NUP205: variants seen among roughly 807,000 people sequenced by gnomAD.
NUP205 encodes nuclear pore complex protein Nup205.
NUP205 carries 76 observed loss-of-function variants against 253.8 expected under a neutral mutation model. The observed-to-expected ratio is 0.30, with a 90% CI of 0.25 to 0.36. The LOEUF (loss-of-function observed/expected upper bound fraction) is 0.36. NUP205 is among the 10% of genes least tolerant of loss of function. The pLI, the probability that NUP205 is intolerant of heterozygous loss-of-function variation, is 1.00. For synonymous variants in NUP205, 832 were observed against 850.1 expected (o/e 0.98, Z 0.37); for missense variants, 2,162 against 2,425.5 (o/e 0.89, Z 2.28).
intron 10 of NUP205, 115 bp downstream of exon 10, chr7:135,588,107 A>G (rs1806523314): frequency 1.8e-5 from 14 of 798,012 alleles, no homozygotes; most frequent in Non-Finnish European, 2.2e-5. Flanking sequence ...TCACTAGTGT[A>G]ACCTTTAGAG....
chr7:135,584,823 T>C lies in NUP205; in HGVS notation c.1043-9T>C. The C allele has an allele frequency of 1.9e-6, 3 of 1,613,632 alleles. No homozygotes were observed. Among genetic ancestry groups the C allele is most frequent in the Non-Finnish European group, 2.5e-6 (3 of 1,179,618 alleles). On this transcript the variant is annotated splice_polypyrimidine_tract_variant and intron_variant, in intron 7 of 42. Transcript: ENST00000285968. ...CCTCCATGTACTGTGTTTTAAAATC[T>C]GTTTCTAGCTCTGGCAGAATTCACA... is the stretch of plus-strand genomic sequence containing the variant.
intron 23 of NUP205, among the ~76,000 whole-genome samples, 177 bp from the exon 24 acceptor site, chr7:135,615,738 TC>T (rs1312178830): frequency 6.6e-6 from 1 of 152,220 alleles, no homozygotes; most frequent in Non-Finnish European, 1.5e-5. Flanking sequence ...TTTTTTTCTT[TC>T]TTGGTATCTT....
intron 1 of NUP205, among the ~76,000 whole-genome samples, chr7:135,565,115 G>GA (rs1805714251): frequency 6.6e-6 from 1 of 152,048 alleles, no homozygotes; most frequent in Admixed American, 6.6e-5. Flanking sequence ...ATTATTGGGG[G>GA]AAAAATTGGA....
In NUP205 at chr7:135,643,201, C is replaced by A; in HGVS notation, c.5402C>A (p.Ala1801Asp). ...TCATCACCTCTATTAGATACCCAAGCTCCAGTGGTTCCATACTGGCGCCTG... is the reference window on the plus strand; with the variant it reads ...TCATCACCTCTATTAGATACCCAAGATCCAGTGGTTCCATACTGGCGCCTG... ...NRDGPRQDTQ[A>D]PVVPYWRLPG... is the part of the protein sequence containing the mutation. Residue 1801 changes from alanine (A) to aspartate (D), a missense_variant, in exon 39 of 43, where the codon GCT becomes GAT. Physicochemically the swap from Ala to Asp is moderately radical, Grantham distance 126. Around this residue, in one of 5 missense-constraint regions of NUP205, gnomAD observed 1,144 missense variants for 1,280.9 expected, o/e 0.89. Coordinates refer to ENST00000285968, the MANE Select transcript of NUP205 (RefSeq NM_015135.3). The A allele has an allele frequency of 6.2e-7, 1 of 1,613,800 alleles. No individual in the cohort carries two copies. Among genetic ancestry groups the A allele is most frequent in the African/African-American group, 1.3e-5 (1 of 75,036 alleles).
chr7:135,619,743 TTTAA>T (rs774780347), intron 29 of NUP205, 43 bp from the exon 30 acceptor site: 10 of 1,596,166 alleles, frequency 6.3e-6, no homozygotes, highest in African/African-American at 1.4e-5. Flanking sequence ...TTGTTTTAAC[TTTAA>T]TTGAGAAAAG....
At chr7:135,622,974 A>T in intron 31 of NUP205, 49 bp downstream of exon 31, 1 of 1,588,050 alleles carries the variant, frequency 6.3e-7, no homozygotes, top group Non-Finnish European at 8.6e-7. Context: ...ATTTTGACTT[A>T]TTAAGGTATA....
chr7:135,647,846 A>G (rs1273148085), intron 42 of NUP205, among the ~76,000 whole-genome samples: 2 of 152,228 alleles, frequency 1.3e-5, no homozygotes, highest in Admixed American at 6.5e-5. Context: ...TATAACATCA[A>G]AAAGATCCAT....
At chr7:135,613,494 G>A (rs1404157437) in intron 22 of NUP205, among the ~76,000 whole-genome samples, 1 of 150,930 alleles carries the variant, frequency 6.6e-6, no homozygotes, top group Non-Finnish European at 1.5e-5. Flanking sequence ...GTTCTCAGAA[G>A]TTATTTCCAA....
chr7:135,574,566 A>G (rs1455192286), intron 3 of NUP205, among the ~76,000 whole-genome samples: 5 of 152,182 alleles, frequency 3.3e-5, no homozygotes, highest in East Asian at 3.9e-4. Context: ...GTTTAAGGAT[A>G]AAAAGATCAT....
chr7:135,638,655 AAC>A lies in NUP205; in HGVS notation c.5366_5367del (p.Thr1789SerfsTer2). ...GTCTCTTCACTCCTAGCCTTTCAGAAACAGTTAATAGAGATGGACCGCGGCAA... is the reference window on the plus strand; with the variant it reads ...GTCTCTTCACTCCTAGCCTTTCAGAAAGTTAATAGAGATGGACCGCGGCAA... Reference protein sequence around the residue: ...VCLFTPSLSETVNRDGPRQDT... With the variant: ...VCLFTPSLSEXVNRDGPRQDT... On this transcript the variant is annotated frameshift_variant, in exon 38 of 43. Transcript: ENST00000285968. LOFTEE classifies it high-confidence loss of function. 6.2e-7 allele frequency: 1 copy of A among 1,614,126 alleles called. No homozygotes were observed. Among genetic ancestry groups the A allele is most frequent in the Non-Finnish European group, 8.5e-7 (1 of 1,180,010 alleles).
chr7:135,609,526 T>C (rs1488857293), intron 22 of NUP205, among the ~76,000 whole-genome samples: 1 of 151,290 alleles, frequency 6.6e-6, no homozygotes, highest in Non-Finnish European at 1.5e-5. Context: ...TGTGTGCCTG[T>C]AGTCCCAGCT....
chr7:135,601,527 C>G lies in NUP205; in HGVS notation c.2512+20C>G. The G allele has an allele frequency of 1.2e-6, 2 of 1,600,776 alleles. No individual in the cohort carries two copies. Among genetic ancestry groups the G allele is most frequent in the South Asian group, 2.3e-5 (2 of 88,338 alleles). On this transcript the variant is annotated intron_variant, in intron 17 of 42. Transcript: ENST00000285968. ...TTCCTGGTATATGCTTAAAAGCCTTCATGTCTTGCAAACAGCTTTGATGTT... is the reference window on the plus strand; with the variant it reads ...TTCCTGGTATATGCTTAAAAGCCTTGATGTCTTGCAAACAGCTTTGATGTT...
chr7:135,601,416 T>A lies in NUP205; in HGVS notation c.2421T>A (p.Tyr807Ter). ...AYKPPGFSLM[Y>*]HLLNESPMLE... ...AGCCACCTGGATTTAGTCTGATGTATCATCTGCTGAATGAGTCACCAATGT... is the reference window on the plus strand; with the variant it reads ...AGCCACCTGGATTTAGTCTGATGTAACATCTGCTGAATGAGTCACCAATGT... Residue 807 changes from tyrosine (Y) to a stop codon, truncating the protein, a stop_gained, in exon 17 of 43, where the codon TAT (tyrosine) becomes TAA (stop). Transcript: ENST00000285968. LOFTEE classifies it high-confidence loss of function. 1 of 1,613,890 alleles carries A rather than the reference T, an allele frequency of 6.2e-7. No individual in the cohort carries two copies. The highest frequency in any genetic ancestry group is 8.5e-7 in the Non-Finnish European group (1 of 1,179,792).
At chr7:135,622,579 T>C (rs758590075) in intron 30 of NUP205, among the ~76,000 whole-genome samples, 198 bp from the exon 31 acceptor site, 1 of 152,048 alleles carries the variant, frequency 6.6e-6, no homozygotes, top group Non-Finnish European at 1.5e-5. Flanking sequence ...ATGCATGAAA[T>C]AGGTGCATTG....
chr7:135,609,103 TCAAAAAAAAAAAAAAAA>T (rs1455800030), intron 22 of NUP205, among the ~76,000 whole-genome samples: 1 of 62,318 alleles, frequency 1.6e-5, no homozygotes, highest in Non-Finnish European at 3.2e-5. Context: ...AAACTCCGTC[TCAAAAAAAAAAAAAAAA>T]AAAAGAACCA....
In NUP205 at chr7:135,616,115, A is replaced by G. The variant is rs760031428; in HGVS notation, c.3460+50A>G. On this transcript the variant is annotated intron_variant, in intron 24 of 42. Transcript: ENST00000285968. Reference sequence around the variant, plus strand: ...GTGCTGGTGACTAGTTGTCGTGAAGACAAGCACAAATCTGAAGCTTGTGCT... The same window carrying G: ...GTGCTGGTGACTAGTTGTCGTGAAGGCAAGCACAAATCTGAAGCTTGTGCT... The G allele has an allele frequency of 2.6e-6, 4 of 1,530,620 alleles. No homozygotes were observed. The South Asian group carries it at 3.5e-5, about 14-fold the overall frequency. The allele number at this position is 1,530,620 out of a possible 1,614,324, so 94.8% of individuals were successfully genotyped here.
In NUP205 at chr7:135,601,416, T is replaced by C; in HGVS notation, c.2421T>C (p.Tyr807=). Residue 807 remains tyrosine (Y), a synonymous_variant, in exon 17 of 43, where the codon TAT becomes TAC. Coordinates refer to ENST00000285968, the MANE Select transcript of NUP205 (RefSeq NM_015135.3). ...AYKPPGFSLM[Y]HLLNESPMLE... ...AGCCACCTGGATTTAGTCTGATGTA[T>C]CATCTGCTGAATGAGTCACCAATGT... 2.5e-6 allele frequency: 4 copies of C among 1,613,890 alleles called. No homozygotes were observed. The highest frequency in any genetic ancestry group is 3.4e-6 in the Non-Finnish European group (4 of 1,179,792).
intron 31 of NUP205, among the ~76,000 whole-genome samples, chr7:135,623,959 G>C (rs947871416): frequency 1.3e-5 from 2 of 151,680 alleles, no homozygotes; most frequent in East Asian, 2.0e-4. Flanking sequence ...ATTTTTTGTA[G>C]TTTTAGTAGA....
chr7:135,603,958 C>A (rs73725180), intron 18 of NUP205, among the ~76,000 whole-genome samples: 25 of 152,270 alleles, frequency 1.6e-4, no homozygotes, highest in African/African-American at 5.3e-4. Context: ...GAAGCATCAC[C>A]CTGATCTCTG....
Sources: gnomAD v4.1 joint callset for allele counts (sites outside exome capture counted in the v4.1 genomes callset) on GRCh38, gnomAD v4.1.1 for gene constraint, gnomAD v4.1.1 regional missense constraint, MANE v1.5 for transcripts, NCBI Gene and HGNC (gene_info 2026-07-23, HGNC 2026-07-21) for gene names.